ARHGAP35: variants seen among roughly 807,000 people sequenced by gnomAD.
ARHGAP35 encodes the protein Rho GTPase activating protein 35.
Under a neutral mutation model 111.1 loss-of-function variants are expected in ARHGAP35, and 15 were observed. The ratio of observed to expected loss-of-function variants is 0.13; its 90% CI spans 0.09 to 0.21. ARHGAP35 has a LOEUF of 0.21. Ranked by LOEUF, ARHGAP35 falls within the 10% of genes least tolerant of loss-of-function variation. The pLI, the probability that ARHGAP35 is intolerant of heterozygous loss-of-function variation, is 1.00. For synonymous variants in ARHGAP35, 643 were observed against 710.3 expected, an observed-to-expected ratio of 0.91 and a Z score of 1.51; for missense variants, 1,262 against 1,873.0, an observed-to-expected ratio of 0.67 and a Z score of 6.02.
chr19:46,940,100 G>T lies in ARHGAP35; in HGVS notation c.3826+2692G>T, dbSNP rs931544014. ...AAATACAAAAAATTAGGCCGGGGCGGTGGCTCACGCTTGTAGTTCCAGTAC... is the reference window on the plus strand; with the variant it reads ...AAATACAAAAAATTAGGCCGGGGCGTTGGCTCACGCTTGTAGTTCCAGTAC... On this transcript the variant is annotated intron_variant, in intron 3 of 6. Transcript: ENST00000672722. Among the ~76,000 whole-genome samples, 10 of 151,984 alleles carry T rather than the reference G, an allele frequency of 6.6e-5. No individual in the cohort carries two copies. The East Asian group carries it at 7.8e-4, about 12-fold the overall frequency.
intron 1 of ARHGAP35, among the ~76,000 whole-genome samples, chr19:46,891,969 T>C (rs2056026199): frequency 6.6e-6 from 1 of 151,334 alleles, no homozygotes; most frequent in Admixed American, 6.6e-5. Flanking sequence ...GATGAAATCC[T>C]GTCTTTACCG....
Position 46,925,631 on chromosome 19 carries a change from C to T in ARHGAP35, c.3681+3275C>T, listed in dbSNP as rs144588140. Among the ~76,000 whole-genome samples, 14 of 152,214 alleles carry T rather than the reference C, an allele frequency of 9.2e-5. No individual in the cohort carries two copies. The East Asian group carries it at 2.7e-3, about 29-fold the overall frequency. ...CAGCCACTGAAAATAGGTGGCCTGC[C>T]CAGGGAAGGCTATGTGTGGGCATGT... On this transcript the variant is annotated intron_variant, in intron 2 of 6. Transcript: ENST00000672722.
chr19:46,937,805 T>A (rs2056318472), intron 3 of ARHGAP35, among the ~76,000 whole-genome samples: 1 of 152,232 alleles, frequency 6.6e-6, no homozygotes, highest in Admixed American at 6.5e-5. Flanking sequence ...AGTGGATACA[T>A]AATACATTTT....
At position 46,999,491 on chromosome 19, in the gene ARHGAP35, C is replaced by A; in HGVS notation, c.4142+82C>A. 2.1e-6 allele frequency: 2 copies of A among 964,302 alleles called. No individual in the cohort carries two copies. The highest frequency in any genetic ancestry group is 3.2e-6 in the Non-Finnish European group (2 of 633,678). The allele number at this position is 964,302 out of a possible 1,614,324, so 59.7% of individuals were successfully genotyped here. A position where few individuals can be genotyped will look rare whatever the true frequency, so the allele number is the denominator to read the frequency against. On this transcript the variant is annotated intron_variant, in intron 6 of 6. Coordinates refer to ENST00000672722, the MANE Select transcript of ARHGAP35 (RefSeq NM_004491.5). This position sits in a 1 kb window ranked among gnomAD's most constrained non-coding sequence, Gnocchi z 5.4. ...AGTGTGTCGCAGAACAAGGCTCTGT[C>A]CACAAGCCAGTAGAAGCCTCAGGCC...
intron 2 of ARHGAP35, among the ~76,000 whole-genome samples, chr19:46,923,160 A>AAT (rs1253598863): frequency 9.7e-5 from 14 of 143,966 alleles, no homozygotes; most frequent in African/African-American, 3.7e-4. Flanking sequence ...GCTAGAGTGC[A>AAT]GTGGCGCGAT....
chr19:46,993,400 C>T lies in ARHGAP35; in HGVS notation c.4036+3725C>T, dbSNP rs924577045. Among the ~76,000 whole-genome samples, 2 of 152,250 alleles carry T rather than the reference C, an allele frequency of 1.3e-5. No individual in the cohort carries two copies. Among genetic ancestry groups the T allele is most frequent in the African/African-American group, 2.4e-5 (1 of 41,472 alleles). ...AGACCCAGGCCTAGAGCTTGGTTGG[C>T]AGCCTGGCTGCCAGTGATGGCAAGT... On this transcript the variant is annotated intron_variant, in intron 5 of 6. Transcript: ENST00000672722. This position sits in a 1 kb window ranked among gnomAD's most constrained non-coding sequence, Gnocchi z 4.6.
At position 46,992,820 on chromosome 19, in the gene ARHGAP35, C is replaced by A. The variant is rs961187764; in HGVS notation, c.4036+3145C>A. On this transcript the variant is annotated intron_variant, in intron 5 of 6. Transcript: ENST00000672722. The surrounding 1 kb of genome is among the most constrained non-coding windows in gnomAD (Gnocchi z 4.4). The stretch of plus-strand genomic sequence containing the variant: ...TCAGGATGCCAGCTCATTGTCTCGG[C>A]CTTTCCATTTGACAGATGAGACTGT... Among the ~76,000 whole-genome samples the A allele has an allele frequency of 6.6e-6, 1 of 152,206 alleles. No individual in the cohort carries two copies. Among genetic ancestry groups the A allele is most frequent in the African/African-American group, 2.4e-5 (1 of 41,446 alleles).
intron 1 of ARHGAP35, among the ~76,000 whole-genome samples, chr19:46,917,945 C>T (rs944044278): frequency 1.3e-5 from 2 of 152,160 alleles, no homozygotes; most frequent in Non-Finnish European, 2.9e-5. Context: ...AACTCCTGAC[C>T]TCAGGTGATC....
chr19:46,868,359 G>A (rs425655), intron 1 of ARHGAP35, among the ~76,000 whole-genome samples: 97,065 of 152,038 alleles, frequency 0.64, 31,654 homozygotes, highest in Middle Eastern at 0.82. Flanking sequence ...AGGAATTTAT[G>A]GTCAATTGTA....
At chr19:46,897,139 T>C (rs945886002) in intron 1 of ARHGAP35, among the ~76,000 whole-genome samples, 1 of 148,944 alleles carries the variant, frequency 6.7e-6, no homozygotes, top group East Asian at 2.0e-4. Flanking sequence ...ACTCAAACAA[T>C]CCACCCGCCT....
At chr19:46,946,941 A>G (rs1248212601) in intron 3 of ARHGAP35, 2 of 152,188 alleles carry the variant, frequency 1.3e-5, no homozygotes, top group South Asian at 2.1e-4. Flanking sequence ...TTGGGGTATC[A>G]TTGCCTGCAC....
chr19:46,879,340 G>A (rs1199383862), intron 1 of ARHGAP35, among the ~76,000 whole-genome samples: 5 of 151,992 alleles, frequency 3.3e-5, no homozygotes, highest in Non-Finnish European at 1.5e-5. Context: ...TATAATCCCA[G>A]CACTTAGGGA....
intron 2 of ARHGAP35, among the ~76,000 whole-genome samples, chr19:46,925,246 G>A (rs1002722985): frequency 5.5e-4 from 83 of 152,284 alleles, no homozygotes; most frequent in African/African-American, 2.0e-3. Flanking sequence ...TGAAATGAGG[G>A]TAGTTGCTTT....
At chr19:46,953,950 T>C (rs145434451) in intron 3 of ARHGAP35, among the ~76,000 whole-genome samples, 2 of 152,280 alleles carry the variant, frequency 1.3e-5, no homozygotes, top group Non-Finnish European at 2.9e-5. Flanking sequence ...TCCCATCCTT[T>C]CCGAAGCCTT....
intron 3 of ARHGAP35, among the ~76,000 whole-genome samples, chr19:46,961,040 G>A (rs981798843): frequency 5.3e-5 from 8 of 151,962 alleles, no homozygotes; most frequent in Admixed American, 2.6e-4. Flanking sequence ...GATTACCGGC[G>A]CCTGCCACCA....
intron 3 of ARHGAP35, among the ~76,000 whole-genome samples, chr19:46,979,784 G>T (rs1380611735): frequency 2.0e-5 from 3 of 152,138 alleles, no homozygotes; most frequent in African/African-American, 7.2e-5. Flanking sequence ...GAGTGTTAGT[G>T]GCCTTCTATC....
At chr19:46,895,132 A>AG (rs1305525745) in intron 1 of ARHGAP35, among the ~76,000 whole-genome samples, 1 of 150,488 alleles carries the variant, frequency 6.6e-6, no homozygotes, top group Admixed American at 6.6e-5. Flanking sequence ...CAATTGGATG[A>AG]GGGGGAAAAA....
chr19:46,979,303 G>A (rs549709355), intron 3 of ARHGAP35, among the ~76,000 whole-genome samples: 42 of 152,180 alleles, frequency 2.8e-4, no homozygotes, highest in Admixed American at 1.0e-3. Context: ...GACGTCTCAC[G>A]TTCTTGGCAG....
intron 2 of ARHGAP35, among the ~76,000 whole-genome samples, chr19:46,936,931 C>T (rs967443258): frequency 1.3e-5 from 2 of 151,554 alleles, no homozygotes; most frequent in Admixed American, 6.6e-5. Flanking sequence ...TCTCCACCTC[C>T]TGGGTTCAAG....
Sources: allele counts gnomAD v4.1 joint callset (sites outside exome capture counted in the v4.1 genomes callset), GRCh38; gene constraint gnomAD v4.1.1; non-coding constraint Gnocchi (gnomAD v3.1); transcripts MANE v1.5; gene names NCBI Gene and HGNC (gene_info 2026-07-23, HGNC 2026-07-21).